The following BRME1 variants were observed in gnomAD, a reference collection of about 807,000 sequenced individuals.
BRME1 encodes the protein break repair meiotic recombinase recruitment factor 1.
In BRME1, 31 loss-of-function variants were observed where a neutral mutation model predicts 52.6. The observed-to-expected ratio is 0.59, with a 90% CI of 0.44 to 0.80. BRME1 has a LOEUF of 0.80. Among genes scored for constraint, BRME1 ranks in the 30% least tolerant of loss-of-function variants. The pLI is 0.00. For synonymous variants in BRME1, 359 were observed against 353.6 expected (o/e 1.02, Z -0.17); for missense variants, 804 against 860.3 (o/e 0.93, Z 0.82).
At chr19:13,898,532 C>A (rs1454864375) in intron 2 of BRME1, among the ~76,000 whole-genome samples, 2 of 151,970 alleles carry the variant, frequency 1.3e-5, no homozygotes, top group East Asian at 3.9e-4. Flanking sequence ...ATTGCTTGAG[C>A]CCTGGAGGTT....
chr19:13,889,980 C>G lies in BRME1; in HGVS notation c.876G>C (p.Leu292=). The change falls in exon 6 of 9, where the codon CTG becomes CTC. Residue 292 remains leucine, a synonymous_variant. Transcript: ENST00000586783. ...SAPTSGPAPG[L]GPASWCLEPG... ...GTTCCAGGCACCAAGAGGCAGGGCCCAGTCCTGGAGCAGGGCCTGAGGTAG... is the reference window on the plus strand; with the variant it reads ...GTTCCAGGCACCAAGAGGCAGGGCCGAGTCCTGGAGCAGGGCCTGAGGTAG... 6.2e-7 allele frequency: 1 copy of G among 1,612,818 alleles called. No homozygotes were observed. The highest frequency in any genetic ancestry group is 1.7e-5 in the Admixed American group (1 of 60,016).
intron 2 of BRME1, among the ~76,000 whole-genome samples, chr19:13,901,757 A>G (rs1359357604): frequency 1.3e-5 from 2 of 150,348 alleles, no homozygotes; most frequent in African/African-American, 2.5e-5. Context: ...AAAAAGTCTG[A>G]CCAGGCATGG....
rs1599314108 is a variant in BRME1 at position 13,884,756 on chromosome 19, C to G, written c.1763+1205G>C. On this transcript the variant is annotated intron_variant, in intron 7 of 8. Transcript: ENST00000586783. Reference sequence around the variant, plus strand: ...GGCGGGTAAGTGGGGGCCACCCGCCCTAAACCCGCCCATGCCCCAGGCTTC... The same window carrying G: ...GGCGGGTAAGTGGGGGCCACCCGCCGTAAACCCGCCCATGCCCCAGGCTTC... Among the ~76,000 whole-genome samples the G allele has an allele frequency of 2.0e-5, 3 of 149,196 alleles. No homozygotes were observed. In the East Asian group the frequency reaches 5.8e-4, roughly 29 times the overall value.
At chr19:13,886,957 G>A (rs1449900126) in intron 6 of BRME1, among the ~76,000 whole-genome samples, 3 of 152,162 alleles carry the variant, frequency 2.0e-5, no homozygotes, top group Non-Finnish European at 4.4e-5. Context: ...GACAGAGCAA[G>A]GCCCTGTCTC....
In BRME1 at chr19:13,890,156, T is replaced by C; in HGVS notation, c.700A>G (p.Lys234Glu). 6.2e-7 allele frequency: 1 copy of C among 1,614,180 alleles called. No individual in the cohort carries two copies. The change falls in exon 6 of 9, where the codon AAG becomes GAG. Residue 234 changes from lysine (K) to glutamate (E), a missense_variant. Around this residue, in one of 3 missense-constraint regions of BRME1, gnomAD observed 18 missense variants for 41.1 expected, o/e 0.44. Transcript: ENST00000586783. Reference sequence around the variant, plus strand: ...GAATCAATGCTTGGTAGGTGTTCCTTTTGGCCACCGTCACCTGGAACCCTG... The same window carrying C: ...GAATCAATGCTTGGTAGGTGTTCCTCTTGGCCACCGTCACCTGGAACCCTG... ...TDRVPGDGGQ[K>E]EHLPSIDSEG...
intron 6 of BRME1, 63 bp downstream of exon 6, chr19:13,889,125 G>A: frequency 7.0e-7 from 1 of 1,434,542 alleles, no homozygotes; most frequent in South Asian, 1.4e-5. Flanking sequence ...AGTGAGGAGG[G>A]GGCTTGTGGA....
intron 2 of BRME1, 74 bp from the exon 3 acceptor site, chr19:13,895,620 C>T: frequency 7.4e-7 from 1 of 1,345,072 alleles, no homozygotes; most frequent in Non-Finnish European, 1.0e-6. Context: ...TCAGGTCTCC[C>T]CCACTACAAC....
Position 13,906,111 on chromosome 19 carries a change from G to A in BRME1, c.-418C>T. The A allele has an allele frequency of 3.6e-6, 1 of 275,528 alleles. No individual in the cohort carries two copies. Among genetic ancestry groups the A allele is most frequent in the South Asian group, 1.1e-4 (1 of 8,706 alleles). 17.1% of individuals were successfully genotyped at this position (275,528 alleles called of 1,614,324 possible). A position where few individuals can be genotyped will look rare whatever the true frequency, so the allele number is the denominator to read the frequency against. ...CCCCGCGAGGTCCCGCCCCGCGCAT[G>A]AGCGACGCAAACACCGCCCTCGCAG... On this transcript the variant is annotated 5_prime_UTR_variant, in exon 1 of 9. Coordinates refer to ENST00000586783, the MANE Select transcript of BRME1 (RefSeq NM_001345843.2). This position sits in a 1 kb window ranked among gnomAD's most constrained non-coding sequence, Gnocchi z 4.1.
intron 1 of BRME1, among the ~76,000 whole-genome samples, chr19:13,905,507 CAAAA>C (rs56670938): frequency 3.4e-5 from 4 of 118,924 alleles, no homozygotes; most frequent in African/African-American, 1.2e-4. Flanking sequence ...GACTCCGTCT[CAAAA>C]AAAAAAAAAA....
rs201289474 is a variant in BRME1 at position 13,893,221 on chromosome 19, G to A, written c.209C>T (p.Ser70Phe). ...GGGAGATCCTGTTTCCTCATCAGGGGAGCTATGTAGGAAAAGATAAAACTG... is the reference window on the plus strand; with the variant it reads ...GGGAGATCCTGTTTCCTCATCAGGGAAGCTATGTAGGAAAAGATAAAACTG... ...GEEPGKAVSSSPDEETGSPCR... is the reference protein window; with the variant it reads ...GEEPGKAVSSFPDEETGSPCR... Residue 70 changes from serine (S) to phenylalanine (F), a missense_variant and splice_region_variant, in exon 4 of 9, where the codon TCC becomes TTC. Ser to Phe is a radical substitution (Grantham distance 155). Around this residue, in one of 3 missense-constraint regions of BRME1, gnomAD observed 234 missense variants for 258.1 expected, o/e 0.91. Transcript: ENST00000586783. 3.2e-6 allele frequency: 5 copies of A among 1,578,166 alleles called. No individual in the cohort carries two copies. In the East Asian group the frequency reaches 9.1e-5, roughly 29 times the overall value.
chr19:13,894,582 T>C (rs1969748928), intron 3 of BRME1, among the ~76,000 whole-genome samples: 1 of 152,194 alleles, frequency 6.6e-6, no homozygotes, highest in Admixed American at 6.6e-5. Flanking sequence ...CTAATTATTT[T>C]ATTTCTTGTA....
At position 13,886,085 on chromosome 19, in the gene BRME1, C is replaced by T. The variant is rs113377103; in HGVS notation, c.1669-30G>A. ...AAAGAGAGCACAAGGTGTGAGTGGT[C>T]GAGGCCTGGGTCGGGCAAGCTCTGC... On this transcript the variant is annotated intron_variant, in intron 6 of 8. Coordinates refer to ENST00000586783, the MANE Select transcript of BRME1 (RefSeq NM_001345843.2). 3.2e-4 allele frequency: 514 copies of T among 1,601,888 alleles called. 3 individuals are homozygous for T. The East Asian group carries it at 8.1e-3, about 25-fold the overall frequency.
Position 13,892,867 on chromosome 19 carries a change from G to A in BRME1, c.312C>T (p.Pro104=). 1 of 1,613,958 alleles carries A rather than the reference G, an allele frequency of 6.2e-7. No homozygotes were observed. The highest frequency in any genetic ancestry group is 8.5e-7 in the Non-Finnish European group (1 of 1,179,828). ...PSQNSFGRFV[P]QFAKSRKTVT... is the part of the protein sequence containing the mutation. Reference sequence around the variant, plus strand: ...CTGTCTTCCTGGATTTTGCAAACTGGGGAACAAACCTCCCGAATGAGTTCT... The same window carrying A: ...CTGTCTTCCTGGATTTTGCAAACTGAGGAACAAACCTCCCGAATGAGTTCT... The change falls in exon 5 of 9, where the codon CCC becomes CCT. Residue 104 remains proline, a synonymous_variant. Coordinates refer to ENST00000586783, the MANE Select transcript of BRME1 (RefSeq NM_001345843.2).
chr19:13,898,923 C>CAAAAA (rs1159325305), intron 2 of BRME1, among the ~76,000 whole-genome samples: 3 of 67,726 alleles, frequency 4.4e-5, no homozygotes, highest in Non-Finnish European at 9.3e-5. Context: ...AACTCCATCT[C>CAAAAA]AAAAAAAAAA....
In BRME1 at chr19:13,883,601, A is replaced by C. The variant is rs1599311669; in HGVS notation, c.1764-201T>G. 1.9e-6 allele frequency: 1 copy of C among 535,332 alleles called. No homozygotes were observed. Among genetic ancestry groups the C allele is most frequent in the African/African-American group, 1.9e-5 (1 of 52,120 alleles). 33.2% of individuals were successfully genotyped at this position (535,332 alleles called of 1,614,324 possible). A position where few individuals can be genotyped will look rare whatever the true frequency, so the allele number is the denominator to read the frequency against. On this transcript the variant is annotated intron_variant, in intron 7 of 8. Coordinates refer to ENST00000586783, the MANE Select transcript of BRME1 (RefSeq NM_001345843.2). The surrounding 1 kb of genome is among the most constrained non-coding windows in gnomAD (Gnocchi z 4.2). ...CCCAGAACCCAACCGCTTCTCCCCT[A>C]CCTGCCCTGCCCTCTCAGGACGCTG...
chr19:13,886,445 C>T (rs1418346882), intron 6 of BRME1, among the ~76,000 whole-genome samples: 3 of 152,176 alleles, frequency 2.0e-5, no homozygotes, highest in East Asian at 1.9e-4. Context: ...AAACACAAAG[C>T]GGGGGCAACT....
Position 13,886,012 on chromosome 19 carries a change from G to A in BRME1, c.1712C>T (p.Pro571Leu). 6.2e-7 allele frequency: 1 copy of A among 1,614,034 alleles called. No individual in the cohort carries two copies. The highest frequency in any genetic ancestry group is 8.5e-7 in the Non-Finnish European group (1 of 1,180,020). Residue 571 changes from proline (P) to leucine (L), a missense_variant, in exon 7 of 9, where the codon CCC (proline) becomes CTC (leucine). By Grantham distance (98) the Pro-to-Leu change is moderately conservative. Coordinates refer to ENST00000586783, the MANE Select transcript of BRME1 (RefSeq NM_001345843.2). ...AGGGTCTCCATTGGCATGTGAGCTG[G>A]GGCCCGGCCAGCAAGGGCCCGGCTT... The part of the protein sequence containing the change: ...GNKPGPCWPG[P>L]SSHANGDPVA...
Position 13,882,613 on chromosome 19 carries a change from G to A in BRME1, c.*189C>T. On this transcript the variant is annotated 3_prime_UTR_variant, in exon 9 of 9. Coordinates refer to ENST00000586783, the MANE Select transcript of BRME1 (RefSeq NM_001345843.2). ...GTTTCCCTCCCTGAAGCCAAGGGTG[G>A]CAAATGACCTTGACCCTGGCCAGGT... 1.5e-6 allele frequency: 1 copy of A among 675,938 alleles called. No homozygotes were observed. Among genetic ancestry groups the A allele is most frequent in the Non-Finnish European group, 2.5e-6 (1 of 405,508 alleles). 41.9% of individuals were successfully genotyped at this position (675,938 alleles called of 1,614,324 possible). A position where few individuals can be genotyped will look rare whatever the true frequency, so the allele number is the denominator to read the frequency against.
chr19:13,901,351 C>T (rs1293702508), intron 2 of BRME1, among the ~76,000 whole-genome samples: 1 of 151,860 alleles, frequency 6.6e-6, no homozygotes, highest in Admixed American at 6.6e-5. Context: ...CATGATCTAC[C>T]ACAAAGTGAA....
Sources: allele counts gnomAD v4.1 joint callset (sites outside exome capture counted in the v4.1 genomes callset), GRCh38; gene constraint gnomAD v4.1.1; regional missense constraint gnomAD v4.1.1; non-coding constraint Gnocchi (gnomAD v3.1); transcripts MANE v1.5; gene names NCBI Gene and HGNC (gene_info 2026-07-23, HGNC 2026-07-21).